The following CDKL5 variants were observed in gnomAD, a reference collection of about 807,000 sequenced individuals.
CDKL5 encodes cyclin dependent kinase like 5, also known as cyclin-dependent kinase-like 5.
In CDKL5, 8 loss-of-function variants were observed where a neutral mutation model predicts 61.7. That is an observed-to-expected ratio of 0.13 (90% CI 0.08 to 0.23). The LOEUF (loss-of-function observed/expected upper bound fraction) is 0.23, where lower values mean the gene tolerates loss of function less well. CDKL5 is among the 10% of genes least tolerant of loss of function. CDKL5 has a pLI of 1.00. For missense variants in CDKL5, 440 were observed against 734.5 expected, an observed-to-expected ratio of 0.60 and a Z score of 4.63; for synonymous variants, 275 against 272.3, an observed-to-expected ratio of 1.01 and a Z score of -0.10.
At chrX:18,553,441 C>T (rs956800578) in intron 3 of CDKL5, among the ~76,000 whole-genome samples, 2 of 107,449 alleles carry the variant, frequency 1.9e-5, no homozygotes, top group African/African-American at 6.9e-5. Flanking sequence ...ACTGACTTGG[C>T]TTGAAGGCAG....
intron 11 of CDKL5, among the ~76,000 whole-genome samples, chrX:18,600,626 A>C (rs755995152): frequency 8.9e-6 from 1 of 112,010 alleles, no homozygotes; most frequent in South Asian, 3.8e-4. Flanking sequence ...GACTCACTTG[A>C]GAGACAGAGT....
intron 1 of CDKL5, among the ~76,000 whole-genome samples, chrX:18,429,456 C>T (rs1008573712): frequency 6.3e-5 from 7 of 111,627 alleles, no homozygotes; most frequent in African/African-American, 2.0e-4. Flanking sequence ...CACAACAGCT[C>T]TATGAAGTAG....
At chrX:18,441,461 C>T (rs1379380161) in intron 1 of CDKL5, among the ~76,000 whole-genome samples, 2 of 110,831 alleles carry the variant, frequency 1.8e-5, no homozygotes, top group African/African-American at 6.6e-5. Context: ...GTACACTGCC[C>T]CTATCTCTTC....
intron 1 of CDKL5, among the ~76,000 whole-genome samples, chrX:18,445,691 C>T (rs757710540): frequency 4.5e-5 from 5 of 111,498 alleles, no homozygotes; most frequent in Non-Finnish European, 7.5e-5. Context: ...AGGGGCTCTT[C>T]ACCCTTTACA....
intron 15 of CDKL5, among the ~76,000 whole-genome samples, chrX:18,617,799 T>C (rs1378310558): frequency 8.9e-6 from 1 of 111,775 alleles, no homozygotes; most frequent in Non-Finnish European, 1.9e-5. Flanking sequence ...TCTGGGATCT[T>C]TCTCTGCCTG....
chrX:18,504,029 T>G (rs1042594879), intron 1 of CDKL5, among the ~76,000 whole-genome samples: 3 of 111,841 alleles, frequency 2.7e-5, no homozygotes, highest in Non-Finnish European at 5.6e-5. Context: ...GCTGGGATTA[T>G]GGACACGAGC....
At chrX:18,477,316 C>CT (rs1445384368) in intron 1 of CDKL5, among the ~76,000 whole-genome samples, 1 of 111,549 alleles carries the variant, frequency 9.0e-6, no homozygotes, top group Non-Finnish European at 1.9e-5. Context: ...ATCTGTCCAC[C>CT]TTGGCCTCCC....
At chrX:18,606,020 A>G (rs1926351470) in intron 12 of CDKL5, among the ~76,000 whole-genome samples, 1 of 111,824 alleles carries the variant, frequency 8.9e-6, no homozygotes, top group Non-Finnish European at 1.9e-5. Flanking sequence ...CGTCTCTACT[A>G]AAATACAAAA....
chrX:18,572,081 A>C (rs1050900914), intron 4 of CDKL5, among the ~76,000 whole-genome samples: 6 of 112,157 alleles, frequency 5.3e-5, no homozygotes, highest in Non-Finnish European at 7.5e-5. Flanking sequence ...AATCAATACA[A>C]TTTTAATGAA....
intron 1 of CDKL5, among the ~76,000 whole-genome samples, chrX:18,488,558 A>C (rs1231202166): frequency 9.0e-6 from 1 of 111,523 alleles, no homozygotes; most frequent in African/African-American, 3.3e-5. Flanking sequence ...TTTCATCTTC[A>C]CCCCAGACTT....
At chrX:18,646,236 C>T in intron 20 of CDKL5, 1 of 927,957 alleles carries the variant, frequency 1.1e-6, no homozygotes, top group Non-Finnish European at 1.5e-6. Flanking sequence ...TCACTGCAAC[C>T]TCCGCCTCCC....
intron 3 of CDKL5, among the ~76,000 whole-genome samples, chrX:18,548,604 G>T (rs1924279976): frequency 8.9e-6 from 1 of 112,549 alleles, no homozygotes; most frequent in Admixed American, 9.4e-5. Context: ...GTCCTATTCT[G>T]CTTCCTTGCC....
chrX:18,602,159 C>T (rs933776100), intron 11 of CDKL5, among the ~76,000 whole-genome samples: 3 of 111,727 alleles, frequency 2.7e-5, no homozygotes, highest in Non-Finnish European at 3.8e-5. Flanking sequence ...GGCTAGGAAG[C>T]GTGGGTGACA....
chrX:18,504,670 G>A (rs930906130), intron 1 of CDKL5, among the ~76,000 whole-genome samples: 9 of 111,474 alleles, frequency 8.1e-5, no homozygotes, highest in South Asian at 3.7e-4. Context: ...GGTGGCTCAC[G>A]CCTGTAATCC....
chrX:18,493,550 G>A (rs1442138858), intron 1 of CDKL5, among the ~76,000 whole-genome samples: 1 of 112,373 alleles, frequency 8.9e-6, no homozygotes, highest in Admixed American at 9.4e-5. Context: ...AAGTCTTAAA[G>A]CATTTCAAAC....
chrX:18,532,234 T>C lies in CDKL5; in HGVS notation c.99+21380T>C, dbSNP rs370565383. Reference sequence around the variant, plus strand: ...TGAATTTCAAATCTCTGTATTTTCATATGCTTAGTAAGAACTTTTTCAGAA... The same window carrying C: ...TGAATTTCAAATCTCTGTATTTTCACATGCTTAGTAAGAACTTTTTCAGAA... On this transcript the variant is annotated intron_variant, in intron 3 of 17. Coordinates refer to ENST00000623535, the MANE Select transcript of CDKL5 (RefSeq NM_001323289.2). 9.8e-5 allele frequency among the ~76,000 whole-genome samples: 11 copies of C among 112,354 alleles called. No individual in the cohort carries two copies. The East Asian group carries it at 1.4e-3, about 14-fold the overall frequency.
rs1204499879 is a variant in CDKL5, at chrX:18,633,673, CTG to C, written c.*4917_*4918del. On this transcript the variant is annotated 3_prime_UTR_variant, in exon 18 of 18. Coordinates refer to ENST00000623535, the MANE Select transcript of CDKL5 (RefSeq NM_001323289.2). The stretch of plus-strand genomic sequence containing the variant: ...GGAGAAGTGGGGTGGCTAGGAAACT[CTG>C]GGCCTGCTGCCCCCTTCGATTCTTT... 8 of 752,876 alleles carry C rather than the reference CTG, an allele frequency of 1.1e-5. No individual in the cohort carries two copies. The highest frequency in any genetic ancestry group is 1.3e-5 in the Non-Finnish European group (8 of 639,144). 62.0% of individuals were successfully genotyped at this position (752,876 alleles called of 1,213,427 possible).
chrX:18,456,585 G>A (rs1338325227), intron 1 of CDKL5, among the ~76,000 whole-genome samples: 1 of 111,946 alleles, frequency 8.9e-6, no homozygotes, highest in Non-Finnish European at 1.9e-5. Flanking sequence ...GGGAATATAT[G>A]AGGAGGAGAG....
intron 1 of CDKL5, among the ~76,000 whole-genome samples, chrX:18,431,387 G>C (rs1366957537): frequency 3.6e-5 from 4 of 110,847 alleles, no homozygotes; most frequent in Non-Finnish European, 7.6e-5. Flanking sequence ...TTTCTACACA[G>C]GTGGGACCTG....
Sources: gnomAD v4.1 joint callset for allele counts (sites outside exome capture counted in the v4.1 genomes callset) on GRCh38, gnomAD v4.1.1 for gene constraint, MANE v1.5 for transcripts, NCBI Gene and HGNC (gene_info 2026-07-23, HGNC 2026-07-21) for gene names.